TMEM120A: variants seen among roughly 807,000 people sequenced by gnomAD.
TMEM120A encodes the protein ion channel TACAN.
In TMEM120A, 45 loss-of-function variants were observed where a neutral mutation model predicts 54.3. The ratio of observed to expected loss-of-function variants is 0.83; its 90% CI spans 0.65 to 1.06. The LOEUF is 1.06. TMEM120A is among the 50% of genes least tolerant of loss of function. The probability of loss-of-function intolerance (pLI) is 0.00; values close to 1 mark genes in which losing one functional copy is unlikely to be tolerated. For missense variants in TMEM120A, 424 were observed against 441.7 expected (o/e 0.96, Z 0.36); for synonymous variants, 204 against 178.5 (o/e 1.14, Z -1.14).
At position 75,988,166 on chromosome 7, in the gene TMEM120A, C is replaced by T. The variant is rs1789622189; in HGVS notation, c.564-18G>A. On this transcript the variant is annotated intron_variant, in intron 6 of 11. Transcript: ENST00000493111. ...CTTTGATCCTGGAGCAGAGAGCCAC[C>T]ATCACCCCCAGCGCCTGTTCCTGCT... 1.2e-6 allele frequency: 2 copies of T among 1,610,958 alleles called. No homozygotes were observed. The highest frequency in any genetic ancestry group is 1.3e-5 in the African/African-American group (1 of 74,900).
Position 75,994,500 on chromosome 7 carries a change from TG to T in TMEM120A, c.70del (p.Gln24ArgfsTer12), listed in dbSNP as rs1554562751. On this transcript the variant is annotated frameshift_variant, in exon 1 of 12. Coordinates refer to ENST00000493111, the MANE Select transcript of TMEM120A (RefSeq NM_031925.3). LOFTEE classifies it high-confidence loss of function. ...RDWEDLQQDF[Q>X]NIQETHRLYR... ...CGCAGCGGCGCTAACCTGGATGTTCTGGAAGTCCTGCTGTAGATCCTCCCAG... is the reference window on the plus strand; with the variant it reads ...CGCAGCGGCGCTAACCTGGATGTTCTGAAGTCCTGCTGTAGATCCTCCCAG... 6.4e-7 allele frequency: 1 copy of T among 1,566,944 alleles called. No homozygotes were observed. The highest frequency in any genetic ancestry group is 8.6e-7 in the Non-Finnish European group (1 of 1,157,094).
Position 75,986,909 on chromosome 7 carries a change from T to TAAC in TMEM120A, c.*260_*262dup, listed in dbSNP as rs1789513696. Reference sequence around the variant, plus strand: ...GGACCTCCACCTGCATCAACTTAACTAACTCAGACCCCAGGAACCCATGTG... The same window carrying TAAC: ...GGACCTCCACCTGCATCAACTTAACTAACAACTCAGACCCCAGGAACCCATGTG... On this transcript the variant is annotated 3_prime_UTR_variant, in exon 12 of 12. Coordinates refer to ENST00000493111, the MANE Select transcript of TMEM120A (RefSeq NM_031925.3). 1.7e-6 allele frequency: 1 copy of TAAC among 589,516 alleles called. No individual in the cohort carries two copies. The highest frequency in any genetic ancestry group is 2.8e-5 in the East Asian group (1 of 35,814). The allele number at this position is 589,516 out of a possible 1,614,324, so 36.5% of individuals were successfully genotyped here.
chr7:75,989,492 C>G (rs565696934), intron 3 of TMEM120A, among the ~76,000 whole-genome samples: 8 of 34,094 alleles, frequency 2.3e-4, no homozygotes, highest in East Asian at 1.5e-3. Flanking sequence ...GAAACTCCCC[C>G]ACCTCAGGGC....
intron 1 of TMEM120A, among the ~76,000 whole-genome samples, chr7:75,993,072 G>A (rs1789913992): frequency 6.6e-6 from 1 of 152,192 alleles, no homozygotes; most frequent in Admixed American, 6.5e-5. Flanking sequence ...AAAGTGCTGG[G>A]ATTACAGGCA....
At position 75,988,008 on chromosome 7, in the gene TMEM120A, T is replaced by C. The variant is rs1789610241; in HGVS notation, c.630-24A>G. 2.5e-6 allele frequency: 4 copies of C among 1,596,596 alleles called. No individual in the cohort carries two copies. In the Admixed American group the frequency reaches 5.2e-5, roughly 21 times the overall value. ...GCCTAAGGTAAAAAGTGGAGGGCAG[T>C]GTGGGGACCCTTGGGGATGCCGTGT... On this transcript the variant is annotated intron_variant, in intron 7 of 11. Coordinates refer to ENST00000493111, the MANE Select transcript of TMEM120A (RefSeq NM_031925.3).
At position 75,988,253 on chromosome 7, in the gene TMEM120A, G is replaced by A. The variant is rs556085933; in HGVS notation, c.562C>T (p.Arg188Trp). 4.6e-5 allele frequency: 74 copies of A among 1,611,326 alleles called. 1 individual carries two copies. In the Admixed American group the frequency reaches 6.7e-4, roughly 15 times the overall value. The change falls in exon 6 of 12, where the codon CGG becomes TGG. Residue 188 changes from arginine to tryptophan, a missense_variant and splice_region_variant. Transcript: ENST00000493111. ...RESILINNGSRIKGWWVFHHY... is the reference protein window; with the variant it reads ...RESILINNGSWIKGWWVFHHY... ...TCCCTCAGGGCCCGCCCTGCCCACC[G>A]GGAGCCGTTGTTGATGAGGATGCTC...
chr7:75,989,759 A>AC (rs1326114553), intron 3 of TMEM120A, among the ~76,000 whole-genome samples: 1 of 147,568 alleles, frequency 6.8e-6, no homozygotes, highest in Non-Finnish European at 1.5e-5. Context: ...TCCCACCACG[A>AC]CCCCCCTTGT....
At chr7:75,990,998 T>A (rs1328694111) in intron 3 of TMEM120A, among the ~76,000 whole-genome samples, 1 of 151,396 alleles carries the variant, frequency 6.6e-6, no homozygotes, top group Non-Finnish European at 1.5e-5. Context: ...TTCCACCAAA[T>A]GGTTCTGCCA....
Position 75,988,066 on chromosome 7 carries a change from G to A in TMEM120A, c.629+17C>T, listed in dbSNP as rs782774442. 2.5e-5 allele frequency: 40 copies of A among 1,603,148 alleles called. No individual in the cohort carries two copies. The highest frequency in any genetic ancestry group is 3.3e-5 in the South Asian group (3 of 89,634). Reference sequence around the variant, plus strand: ...CCTTGTCCCAGCTCCTGCCCCTGCCGGGGCCCAGCCACTCACCACGTCAGC... The same window carrying A: ...CCTTGTCCCAGCTCCTGCCCCTGCCAGGGCCCAGCCACTCACCACGTCAGC... On this transcript the variant is annotated intron_variant, in intron 7 of 11. Transcript: ENST00000493111.
chr7:75,990,344 C>G (rs1167968352), intron 3 of TMEM120A, among the ~76,000 whole-genome samples: 1 of 152,120 alleles, frequency 6.6e-6, no homozygotes, highest in Non-Finnish European at 1.5e-5. Context: ...GAGCACTCCT[C>G]ACTCTCATCT....
intron 4 of TMEM120A, among the ~76,000 whole-genome samples, 153 bp downstream of exon 4, chr7:75,989,012 G>A: frequency 6.0e-5 from 1 of 16,766 alleles, no homozygotes; most frequent in East Asian, 1.5e-3. Context: ...GGGTGGGGTG[G>A]GGGGTGGAGG....
At position 75,988,109 on chromosome 7, in the gene TMEM120A, G is replaced by A. The variant is rs782018052; in HGVS notation, c.603C>T (p.Thr201=). ...GWWVFHHYVS[T]FLSGVMLTWP... Reference sequence around the variant, plus strand: ...ACGTCAGCATGACTCCCGACAGGAAGGTGGACACGTAGTGATGGAACACCC... The same window carrying A: ...ACGTCAGCATGACTCCCGACAGGAAAGTGGACACGTAGTGATGGAACACCC... Residue 201 remains threonine (T), a synonymous_variant, in exon 7 of 12, where the codon ACC becomes ACT. Transcript: ENST00000493111. 5 of 1,609,688 alleles carry A rather than the reference G, an allele frequency of 3.1e-6. No individual in the cohort carries two copies. The highest frequency in any genetic ancestry group is 4.2e-6 in the Non-Finnish European group (5 of 1,178,580).
Position 75,988,350 on chromosome 7 carries a change from G to T in TMEM120A, c.474-9C>A. 6.2e-7 allele frequency: 1 copy of T among 1,611,972 alleles called. No homozygotes were observed. Among genetic ancestry groups the T allele is most frequent in the Non-Finnish European group, 8.5e-7 (1 of 1,179,712 alleles). ...AGGCAGCATCTGTCACCCTGCGGAG[G>T]GAGGGGACCGAGGGTTGGTACTGCA... On this transcript the variant is annotated splice_polypyrimidine_tract_variant and intron_variant, in intron 5 of 11. Transcript: ENST00000493111.
At chr7:75,987,467 C>A in intron 10 of TMEM120A, 39 bp from the exon 11 acceptor site, 2 of 1,560,938 alleles carry the variant, frequency 1.3e-6, no homozygotes, top group Non-Finnish European at 1.7e-6. Flanking sequence ...AAGACCCAGT[C>A]CCTGCTGGAG....
At position 75,987,573 on chromosome 7, in the gene TMEM120A, G is replaced by A; in HGVS notation, c.814C>T (p.Leu272Phe). The A allele has an allele frequency of 1.2e-6, 2 of 1,600,544 alleles. No individual in the cohort carries two copies. The highest frequency in any genetic ancestry group is 8.5e-7 in the Non-Finnish European group (1 of 1,173,640). ...EGFQSWMWRG[L>F]TFLLPFLFFG... ...AAAAGAAAAGGCAGCAGGAAGGTGA[G>A]GCCCCGCCACATCCAGGACTGGAAG... Residue 272 changes from leucine (L) to phenylalanine (F), a missense_variant, in exon 10 of 12, where the codon CTC becomes TTC. Coordinates refer to ENST00000493111, the MANE Select transcript of TMEM120A (RefSeq NM_031925.3).
In TMEM120A at chr7:75,987,002, T is replaced by C; in HGVS notation, c.*170A>G. On this transcript the variant is annotated 3_prime_UTR_variant, in exon 12 of 12. Transcript: ENST00000493111. ...GCTCAGGCCACCTCTGGGCCTCTCT[T>C]TATTGAGGGCACTGGGCCCAGGTCT... The C allele has an allele frequency of 1.6e-6, 1 of 641,776 alleles. No individual in the cohort carries two copies. Among genetic ancestry groups the C allele is most frequent in the South Asian group, 1.9e-5 (1 of 52,214 alleles). The allele number at this position is 641,776 out of a possible 1,614,324, so 39.8% of individuals were successfully genotyped here.
chr7:75,990,896 T>TC (rs1789819480), intron 3 of TMEM120A, among the ~76,000 whole-genome samples: 1 of 83,720 alleles, frequency 1.2e-5, no homozygotes. Flanking sequence ...AGACTCTGTC[T>TC]CAAAAAAAAA....
At position 75,986,890 on chromosome 7, in the gene TMEM120A, C is replaced by G; in HGVS notation, c.*282G>C. 1.7e-6 allele frequency: 1 copy of G among 585,892 alleles called. No homozygotes were observed. The highest frequency in any genetic ancestry group is 2.2e-5 in the South Asian group (1 of 45,490). 36.3% of individuals were successfully genotyped at this position (585,892 alleles called of 1,614,324 possible). The stretch of plus-strand genomic sequence containing the variant: ...TATTGTGTGAGTAGATCTGGGACCT[C>G]CACCTGCATCAACTTAACTAACTCA... On this transcript the variant is annotated 3_prime_UTR_variant, in exon 12 of 12. Coordinates refer to ENST00000493111, the MANE Select transcript of TMEM120A (RefSeq NM_031925.3).
rs528741489 is a variant in TMEM120A, at chr7:75,989,101, GAGGGGGGTAGGGGGCT to G, written c.377+48_377+63del. 1.6e-4 allele frequency: 73 copies of G among 462,148 alleles called. 13 individuals carry two copies. The East Asian group carries it at 1.6e-3, about 10-fold the overall frequency. 28.6% of individuals were successfully genotyped at this position (462,148 alleles called of 1,614,324 possible). On this transcript the variant is annotated intron_variant, in intron 4 of 11. Coordinates refer to ENST00000493111, the MANE Select transcript of TMEM120A (RefSeq NM_031925.3). ...GTGGAGGGGTGGAGGTTGAGGGGGGGAGGGGGGTAGGGGGCTAGGGGTGGAGGGGTGGAGGTTGGGG... is the reference window on the plus strand; with the variant it reads ...GTGGAGGGGTGGAGGTTGAGGGGGGGAGGGGTGGAGGGGTGGAGGTTGGGG...
Sources: allele counts gnomAD v4.1 joint callset (sites outside exome capture counted in the v4.1 genomes callset), GRCh38; gene constraint gnomAD v4.1.1; transcripts MANE v1.5; gene names NCBI Gene and HGNC (gene_info 2026-07-23, HGNC 2026-07-21).